The following RNF130 variants were observed in gnomAD, a reference collection of about 807,000 sequenced individuals.
RNF130 encodes ring finger protein 130.
In RNF130, 21 loss-of-function variants were observed where a neutral mutation model predicts 44.6. That is an observed-to-expected ratio of 0.47 (90% CI 0.33 to 0.68). RNF130 has a LOEUF of 0.68. Ranked by LOEUF, RNF130 falls within the 30% of genes least tolerant of loss-of-function variation. RNF130 has a pLI of 0.02. For missense variants in RNF130, 479 were observed against 560.6 expected (o/e 0.85, Z 1.47); for synonymous variants, 214 against 210.4 (o/e 1.02, Z -0.15).
chr5:179,980,320 A>G, intron 3 of RNF130, 120 bp from the exon 4 acceptor site: 1 of 789,044 alleles, frequency 1.3e-6, no homozygotes, highest in South Asian at 1.8e-5. Context: ...CATGTCCTAC[A>G]TATAAGAGAA....
At chr5:179,997,230 C>T (rs1004909599) in intron 3 of RNF130, among the ~76,000 whole-genome samples, 1 of 152,188 alleles carries the variant, frequency 6.6e-6, no homozygotes, top group Non-Finnish European at 1.5e-5. Flanking sequence ...CAACCTCTGC[C>T]TCCTGGGCTC....
At position 180,013,176 on chromosome 5, in the gene RNF130, C is replaced by A; in HGVS notation, c.578G>T (p.Gly193Val). The A allele has an allele frequency of 6.2e-7, 1 of 1,614,042 alleles. No individual in the cohort carries two copies. Among genetic ancestry groups the A allele is most frequent in the South Asian group, 1.1e-5 (1 of 91,066 alleles). Reference sequence around the variant, plus strand: ...GGATATTGACACGAAGACTAGAGAGCCACGGCTGAAGTTCTTCGGTGGCAT... The same window carrying A: ...GGATATTGACACGAAGACTAGAGAGACACGGCTGAAGTTCTTCGGTGGCAT... ...TRMPPKNFSR[G>V]SLVFVSISFI... The change falls in exon 3 of 9, where the codon GGC becomes GTC. Residue 193 changes from glycine (G) to valine (V), a missense_variant. Around this residue, in one of 3 missense-constraint regions of RNF130, gnomAD observed 180 missense variants for 275.1 expected, o/e 0.65. Coordinates refer to ENST00000521389, the MANE Select transcript of RNF130 (RefSeq NM_018434.6).
At chr5:180,066,279 G>C (rs1307792357) in intron 1 of RNF130, among the ~76,000 whole-genome samples, 4 of 152,188 alleles carry the variant, frequency 2.6e-5, no homozygotes, top group Non-Finnish European at 5.9e-5. Context: ...TTCCACTTTT[G>C]CATCTTCCTA....
At chr5:179,932,293 T>C (rs1460166665) in intron 7 of RNF130, among the ~76,000 whole-genome samples, 2 of 152,112 alleles carry the variant, frequency 1.3e-5, no homozygotes, top group African/African-American at 4.8e-5. Flanking sequence ...AGTCTCGCCC[T>C]GTTGCCTAGG....
At chr5:179,950,208 G>A (rs890234603), downstream of RNF130, among the ~76,000 whole-genome samples, 4 of 152,002 alleles carry the variant, frequency 2.6e-5, no homozygotes, top group Non-Finnish European at 4.4e-5. Flanking sequence ...TACCTCCAGG[G>A]TTCAAGCAAT....
At position 180,071,437 on chromosome 5, in the gene RNF130, C is replaced by T; in HGVS notation, c.247+19G>A. ...GGGATGCAGCGACCACCGCCCGCCG[C>T]CCCCGGGCCGGCACTCACCTCCGTG... is the stretch of plus-strand genomic sequence containing the variant. On this transcript the variant is annotated intron_variant, in intron 1 of 8. Transcript: ENST00000521389. The T allele has an allele frequency of 8.1e-7, 1 of 1,233,512 alleles. No homozygotes were observed. The highest frequency in any genetic ancestry group is 1.0e-6 in the Non-Finnish European group (1 of 987,648). 76.4% of individuals were successfully genotyped at this position (1,233,512 alleles called of 1,614,324 possible). A position where few individuals can be genotyped will look rare whatever the true frequency, so the allele number is the denominator to read the frequency against.
chr5:180,047,135 G>A (rs1463131733), intron 1 of RNF130, among the ~76,000 whole-genome samples: 1 of 152,040 alleles, frequency 6.6e-6, no homozygotes, highest in East Asian at 1.9e-4. Context: ...TGTCAGCTAT[G>A]GTCTGGTTGC....
chr5:179,966,868 G>A lies in RNF130; in HGVS notation c.1088C>T (p.Ser363Leu), dbSNP rs374670797. Residue 363 changes from serine to leucine, a missense_variant, in exon 7 of 9, where the codon TCA becomes TTA. This residue lies in a region of RNF130 where 161 missense variants were observed against 158.6 expected (regional missense o/e 1.02). Coordinates refer to ENST00000521389, the MANE Select transcript of RNF130 (RefSeq NM_018434.6). ...GLEPLRTSGI[S>L]PLPQDGELTP... Reference sequence around the variant, plus strand: ...GAGCTCCCCATCCTGAGGAAGAGGTGAGATCCCCGAAGTTCGAAGTGGCTC... The same window carrying A: ...GAGCTCCCCATCCTGAGGAAGAGGTAAGATCCCCGAAGTTCGAAGTGGCTC... 2.6e-5 allele frequency: 42 copies of A among 1,614,096 alleles called. No individual in the cohort carries two copies. In the African/African-American group the frequency reaches 5.5e-4, roughly 21 times the overall value.
At chr5:179,954,597 T>C (rs1017115898), downstream of RNF130, among the ~76,000 whole-genome samples, 1 of 152,224 alleles carries the variant, frequency 6.6e-6, no homozygotes, top group Non-Finnish European at 1.5e-5. Context: ...TATGAGGTTT[T>C]TTACGGGGTG....
chr5:180,046,114 G>A (rs755889474), intron 1 of RNF130, among the ~76,000 whole-genome samples: 10 of 152,186 alleles, frequency 6.6e-5, no homozygotes, highest in African/African-American at 1.2e-4. Context: ...GAATCTGTGC[G>A]CGGTGGACCG....
At chr5:179,979,232 T>C (rs1040192072) in intron 4 of RNF130, among the ~76,000 whole-genome samples, 1 of 151,836 alleles carries the variant, frequency 6.6e-6, no homozygotes, top group African/African-American at 2.4e-5. Flanking sequence ...GTTTTGATGC[T>C]GCTTCTATTT....
chr5:179,925,254 G>A (rs992155734), intron 7 of RNF130, among the ~76,000 whole-genome samples: 1 of 150,436 alleles, frequency 6.6e-6, no homozygotes, highest in Non-Finnish European at 1.5e-5. Flanking sequence ...GAGCGGAGAG[G>A]GGCTGAAAGT....
At chr5:179,918,439 A>T (rs1368117828) in exon 8 of RNF130, 2 of 152,182 alleles carry the variant, frequency 1.3e-5, no homozygotes, top group African/African-American at 2.4e-5. Context: ...TTGGGAAAAC[A>T]AGGAGGTGGT....
chr5:180,055,130 G>C (rs1486567379), intron 1 of RNF130, among the ~76,000 whole-genome samples: 1 of 151,404 alleles, frequency 6.6e-6, no homozygotes, highest in Admixed American at 6.6e-5. Context: ...ATCTCATGAG[G>C]CCAGGAATTT....
At chr5:180,013,518 A>C (rs1331253758) in intron 2 of RNF130, among the ~76,000 whole-genome samples, 1 of 152,226 alleles carries the variant, frequency 6.6e-6, no homozygotes, top group Non-Finnish European at 1.5e-5. Context: ...CTTAAGACTT[A>C]AACAGACATA....
intron 2 of RNF130, among the ~76,000 whole-genome samples, chr5:180,014,426 C>T (rs558646258): frequency 1.8e-4 from 28 of 152,204 alleles, no homozygotes; most frequent in African/African-American, 6.5e-4. Flanking sequence ...CTGAGAGAGA[C>T]TAGGGGTCAT....
At chr5:180,040,368 G>T in intron 2 of RNF130, 85 bp downstream of exon 2, 3 of 1,237,816 alleles carry the variant, frequency 2.4e-6, no homozygotes, top group Non-Finnish European at 3.4e-6. Flanking sequence ...GAAATTACAT[G>T]GCTTCAGCAG....
rs1460328642 is a variant in RNF130 at position 179,977,947 on chromosome 5, C to T, written c.848+256G>A. ...AATTCTCGACCTCAACACTCCTAGGCTGTGTCTGGGGAGTCTGGAGGCCGC... is the reference window on the plus strand; with the variant it reads ...AATTCTCGACCTCAACACTCCTAGGTTGTGTCTGGGGAGTCTGGAGGCCGC... On this transcript the variant is annotated intron_variant, in intron 5 of 8. Transcript: ENST00000521389. This position sits in a 1 kb window ranked among gnomAD's most constrained non-coding sequence, Gnocchi z 4.1. Among the ~76,000 whole-genome samples, 1 of 152,214 alleles carries T rather than the reference C, an allele frequency of 6.6e-6. No individual in the cohort carries two copies. Among genetic ancestry groups the T allele is most frequent in the Non-Finnish European group, 1.5e-5 (1 of 68,008 alleles).
intron 1 of RNF130, among the ~76,000 whole-genome samples, chr5:180,051,343 G>C (rs558281586): frequency 6.6e-6 from 1 of 151,652 alleles, no homozygotes; most frequent in Non-Finnish European, 1.5e-5. Flanking sequence ...TCTGCCTCCC[G>C]GGTTGACGCC....
Sources: gnomAD v4.1 joint callset for allele counts (sites outside exome capture counted in the v4.1 genomes callset) on GRCh38, gnomAD v4.1.1 for gene constraint, gnomAD v4.1.1 regional missense constraint, Gnocchi (gnomAD v3.1) non-coding constraint, MANE v1.5 for transcripts, NCBI Gene and HGNC (gene_info 2026-07-23, HGNC 2026-07-21) for gene names.